MGARP: variants seen among roughly 807,000 people sequenced by gnomAD.
MGARP encodes the protein protein MGARP.
A neutral mutation model predicts 11.0 loss-of-function variants in MGARP; 12 were observed. That is an observed-to-expected ratio of 1.09 (90% CI 0.70 to 1.77). MGARP has a LOEUF of 1.77. Ranked by LOEUF, MGARP falls within the 40% of genes most tolerant of loss-of-function variation. The pLI is 0.00. For missense variants in MGARP, 283 were observed against 297.8 expected (o/e 0.95, Z 0.36); for synonymous variants, 110 against 115.4 (o/e 0.95, Z 0.30).
chr4:139,266,518 TA>T lies in MGARP; in HGVS notation c.*80del. On this transcript the variant is annotated 3_prime_UTR_variant, in exon 4 of 4. Coordinates refer to ENST00000398955, the MANE Select transcript of MGARP (RefSeq NM_032623.4). ...TCTAGAAAATAAGTCTTTTTTTTTT[TA>T]AACTAAGTGTACTAAAAACACAAAA... 1 of 1,239,572 alleles carries T rather than the reference TA, an allele frequency of 8.1e-7. No individual in the cohort carries two copies. The highest frequency in any genetic ancestry group is 1.1e-6 in the Non-Finnish European group (1 of 913,524). The allele number at this position is 1,239,572 out of a possible 1,614,324, so 76.8% of individuals were successfully genotyped here.
Position 139,280,200 on chromosome 4 carries a change from G to A in MGARP, c.-42C>T. ...CGCGCAGCAGCCTCGGTACCCAGGC[G>A]CAGGCTGCCCTTCCACAGAGAGGCT... is the stretch of plus-strand genomic sequence containing the variant. On this transcript the variant is annotated 5_prime_UTR_variant, in exon 1 of 4. Coordinates refer to ENST00000398955, the MANE Select transcript of MGARP (RefSeq NM_032623.4). 4 of 1,566,808 alleles carry A rather than the reference G, an allele frequency of 2.6e-6. No individual in the cohort carries two copies. Among genetic ancestry groups the A allele is most frequent in the African/African-American group, 2.7e-5 (2 of 73,806 alleles).
intron 1 of MGARP, among the ~76,000 whole-genome samples, chr4:139,277,326 T>C (rs1011900309): frequency 6.6e-6 from 1 of 152,190 alleles, no homozygotes; most frequent in African/African-American, 2.4e-5. Context: ...TGGATATAAA[T>C]GGCCGTTTCT....
Position 139,266,555 on chromosome 4 carries a change from G to T in MGARP, c.*44C>A, listed in dbSNP as rs752494954. 5 of 1,532,668 alleles carry T rather than the reference G, an allele frequency of 3.3e-6. No individual in the cohort carries two copies. The African/African-American group carries it at 4.2e-5, about 13-fold the overall frequency. The allele number at this position is 1,532,668 out of a possible 1,614,324, so 94.9% of individuals were successfully genotyped here. On this transcript the variant is annotated 3_prime_UTR_variant, in exon 4 of 4. Coordinates refer to ENST00000398955, the MANE Select transcript of MGARP (RefSeq NM_032623.4). ...ACTAAAAACACAAAAGCACTTATCA[G>T]ACACCCTATGGCATTTGTTGCTGAA...
At chr4:139,268,648 T>TA in intron 3 of MGARP, 24 bp downstream of exon 3, 1 of 1,516,842 alleles carries the variant, frequency 6.6e-7, no homozygotes, top group Non-Finnish European at 9.0e-7. Flanking sequence ...TAAATAAAAA[T>TA]AAAAAATTAA....
chr4:139,274,905 C>T (rs1398149944), intron 2 of MGARP, among the ~76,000 whole-genome samples: 1 of 152,150 alleles, frequency 6.6e-6, no homozygotes, highest in Non-Finnish European at 1.5e-5. Context: ...GATAAACACT[C>T]AAGTATCAGC....
At chr4:139,276,452 A>G (rs1169716993) in intron 1 of MGARP, among the ~76,000 whole-genome samples, 1 of 152,202 alleles carries the variant, frequency 6.6e-6, no homozygotes, top group Admixed American at 6.5e-5. Context: ...GAAGGAAAAT[A>G]AGGGAAAGAG....
intron 2 of MGARP, among the ~76,000 whole-genome samples, chr4:139,273,510 C>CTTTTTTTTTTTTTT (rs1000327890): frequency 4.9e-5 from 6 of 123,662 alleles, no homozygotes; most frequent in Non-Finnish European, 8.7e-5. Flanking sequence ...TACTTTTATT[C>CTTTTTTTTTTTTTT]TTTTTTTTTT....
intron 2 of MGARP, among the ~76,000 whole-genome samples, chr4:139,275,061 A>G (rs1744844994): frequency 6.6e-6 from 1 of 152,250 alleles, no homozygotes; most frequent in Non-Finnish European, 1.5e-5. Context: ...AAAATAAACT[A>G]AAAAAGAAAA....
At chr4:139,272,999 G>T (rs183733058) in intron 2 of MGARP, among the ~76,000 whole-genome samples, 1 of 151,702 alleles carries the variant, frequency 6.6e-6, no homozygotes, top group African/African-American at 2.4e-5. Flanking sequence ...TCATATTTCC[G>T]TAGGTCCAAA....
rs1744734317 is a variant in MGARP at position 139,268,773 on chromosome 4, T to C, written c.187-8A>G. The stretch of plus-strand genomic sequence containing the variant: ...TGTGACTGTCTTGTAAGCCTGAAAG[T>C]AAATGTATGCTTAGGTTTATTTCTT... On this transcript the variant is annotated splice_region_variant and splice_polypyrimidine_tract_variant and intron_variant, in intron 2 of 3. Coordinates refer to ENST00000398955, the MANE Select transcript of MGARP (RefSeq NM_032623.4). 1 of 1,590,842 alleles carries C rather than the reference T, an allele frequency of 6.3e-7. No homozygotes were observed. The highest frequency in any genetic ancestry group is 8.6e-7 in the Non-Finnish European group (1 of 1,165,970).
chr4:139,276,537 G>T (rs1744876875), intron 1 of MGARP, among the ~76,000 whole-genome samples: 1 of 152,126 alleles, frequency 6.6e-6, no homozygotes, highest in Non-Finnish European at 1.5e-5. Flanking sequence ...CAAAGTACAG[G>T]ATGAATATCC....
Position 139,268,748 on chromosome 4 carries a change from T to C in MGARP, c.204A>G (p.Thr68=), listed in dbSNP as rs780636014. 12 of 1,609,572 alleles carry C rather than the reference T, an allele frequency of 7.5e-6. No individual in the cohort carries two copies. In the South Asian group the frequency reaches 1.3e-4, roughly 18 times the overall value. The change falls in exon 3 of 4, where the codon ACA becomes ACG. Residue 68 remains threonine, a synonymous_variant. Coordinates refer to ENST00000398955, the MANE Select transcript of MGARP (RefSeq NM_032623.4). ...AGGYYAYKTV[T]SDQAKHTEHK... ...GTTCTGTGTGTTTGGCTTGGTCTGA[T>C]GTGACTGTCTTGTAAGCCTGAAAGT...
chr4:139,274,539 C>T (rs1744838477), intron 2 of MGARP, among the ~76,000 whole-genome samples: 1 of 151,876 alleles, frequency 6.6e-6, no homozygotes, highest in Admixed American at 6.6e-5. Context: ...ACTGGAGTGC[C>T]ATGATGTGAT....
intron 2 of MGARP, among the ~76,000 whole-genome samples, chr4:139,269,557 G>C (rs1415018159): frequency 6.6e-6 from 1 of 151,386 alleles, no homozygotes; most frequent in Non-Finnish European, 1.5e-5. Flanking sequence ...CTTGAACCCA[G>C]GAGGTGGAGG....
Position 139,280,070 on chromosome 4 carries a change from T to C in MGARP, c.82+7A>G. On this transcript the variant is annotated splice_region_variant and intron_variant, in intron 1 of 3. Transcript: ENST00000398955. ...TCCTCCTCTCCGGGCTAGACCTCCTTACTCACCGTCCTTTCCGAGCGGCGC... is the reference window on the plus strand; with the variant it reads ...TCCTCCTCTCCGGGCTAGACCTCCTCACTCACCGTCCTTTCCGAGCGGCGC... 2 of 1,612,094 alleles carry C rather than the reference T, an allele frequency of 1.2e-6. No individual in the cohort carries two copies. The highest frequency in any genetic ancestry group is 1.7e-6 in the Non-Finnish European group (2 of 1,179,686).
intron 1 of MGARP, among the ~76,000 whole-genome samples, chr4:139,276,229 T>G (rs1356842615): frequency 6.6e-6 from 1 of 152,190 alleles, no homozygotes; most frequent in Non-Finnish European, 1.5e-5. Flanking sequence ...TACTACGTAT[T>G]TGGAATTGTT....
At chr4:139,267,083 C>T (rs1382001507) in intron 3 of MGARP, 42 bp from the exon 4 acceptor site, 13 of 1,579,024 alleles carry the variant, frequency 8.2e-6, no homozygotes, top group African/African-American at 6.8e-5. Flanking sequence ...ATTTAAAGAT[C>T]GTGGGAAGGC....
At chr4:139,274,157 G>T (rs1245731256) in intron 2 of MGARP, among the ~76,000 whole-genome samples, 1 of 152,088 alleles carries the variant, frequency 6.6e-6, no homozygotes, top group Admixed American at 6.5e-5. Flanking sequence ...TGAGTAGGTG[G>T]AGTAGAGGGA....
intron 2 of MGARP, among the ~76,000 whole-genome samples, chr4:139,269,328 T>G (rs1021176998): frequency 6.6e-6 from 1 of 152,094 alleles, no homozygotes; most frequent in Non-Finnish European, 1.5e-5. Flanking sequence ...TTATTTGTAA[T>G]AGTCAAAAAC....
Sources: gnomAD v4.1 joint callset for allele counts (sites outside exome capture counted in the v4.1 genomes callset) on GRCh38, gnomAD v4.1.1 for gene constraint, MANE v1.5 for transcripts, NCBI Gene and HGNC (gene_info 2026-07-23, HGNC 2026-07-21) for gene names.